The following KANSL1 variants were observed in gnomAD, a reference collection of about 807,000 sequenced individuals.
KANSL1 encodes MLL1/MLL complex subunit KANSL1.
KANSL1 carries 22 observed loss-of-function variants against 103.6 expected under a neutral mutation model. The observed-to-expected ratio is 0.21, with a 90% confidence interval of 0.15 to 0.30. KANSL1 has a LOEUF of 0.30. Among genes scored for constraint, KANSL1 ranks in the 10% least tolerant of loss-of-function variants. KANSL1 has a pLI of 1.00. For missense variants in KANSL1, 1,337 were observed against 1,399.8 expected, an observed-to-expected ratio of 0.96 and a Z score of 0.72; for synonymous variants, 600 against 527.6, an observed-to-expected ratio of 1.14 and a Z score of -1.88.
At chr17:46,130,187 C>CAAAAAAAAAAAA (rs35017603) in intron 2 of KANSL1, among the ~76,000 whole-genome samples, 7 of 75,466 alleles carry the variant, frequency 9.3e-5, no homozygotes, top group Non-Finnish European at 1.6e-4. Context: ...ATCCTGTCTC[C>CAAAAAAAAAAAA]AAAAAAAAAA....
intron 3 of KANSL1, among the ~76,000 whole-genome samples, chr17:46,090,558 G>A (rs922673273): frequency 2.6e-5 from 4 of 152,212 alleles, no homozygotes; most frequent in Non-Finnish European, 4.4e-5. Context: ...GAAATGTTAA[G>A]TGACTTTTCT....
chr17:46,105,906 G>GAGACACACACACACACACACACAC (rs778730504), intron 2 of KANSL1, among the ~76,000 whole-genome samples: 42 of 95,162 alleles, frequency 4.4e-4, no homozygotes, highest in African/African-American at 1.8e-3. Flanking sequence ...GCAAGGCCTT[G>GAGACACACACACACACACACACAC]ACACACACAC....
Position 46,082,444 on chromosome 17 carries a change from T to C in KANSL1, c.1530A>G (p.Lys510=), listed in dbSNP as rs772909788. The C allele has an allele frequency of 6.3e-7, 1 of 1,598,694 alleles. No individual in the cohort carries two copies. The highest frequency in any genetic ancestry group is 1.1e-5 in the South Asian group (1 of 90,600). ...CCTTTCTATCTTTTATACTTACCAA[T>C]TTATCAGTCCCATGATCTGTCTTCA... ...SEVKTDHGTD[K]LIESVSQPLE... is the part of the protein sequence containing the mutation. The change falls in exon 4 of 15, where the codon AAA becomes AAG. Residue 510 remains lysine, a synonymous_variant. Coordinates refer to ENST00000432791, the MANE Select transcript of KANSL1 (RefSeq NM_015443.4).
In KANSL1 at chr17:46,031,392, T is replaced by C. The variant is rs1266402208; in HGVS notation, c.*84A>G. On this transcript the variant is annotated 3_prime_UTR_variant, in exon 15 of 15. Coordinates refer to ENST00000432791, the MANE Select transcript of KANSL1 (RefSeq NM_015443.4). ...CTAAAAACTGTGAAAATTTCCGGCA[T>C]ATGATGTTTGAATATCAAACGCAGA... 4 of 1,268,190 alleles carry C rather than the reference T, an allele frequency of 3.2e-6. No individual in the cohort carries two copies. Among genetic ancestry groups the C allele is most frequent in the Non-Finnish European group, 4.3e-6 (4 of 922,368 alleles). The allele number at this position is 1,268,190 out of a possible 1,614,324, so 78.6% of individuals were successfully genotyped here.
At chr17:46,208,893 G>A (rs1451607398) in intron 1 of KANSL1, among the ~76,000 whole-genome samples, 1 of 151,696 alleles carries the variant, frequency 6.6e-6, no homozygotes. Flanking sequence ...GATGCAGCCC[G>A]GGCGCAGTGG....
chr17:46,149,976 C>A (rs941542812), intron 2 of KANSL1, among the ~76,000 whole-genome samples: 9 of 150,932 alleles, frequency 6.0e-5, no homozygotes, highest in African/African-American at 9.8e-5. Flanking sequence ...GAGCTGAGAT[C>A]GCACCACTGC....
intron 2 of KANSL1, among the ~76,000 whole-genome samples, chr17:46,142,463 A>T (rs1360528507): frequency 6.6e-6 from 1 of 151,954 alleles, no homozygotes; most frequent in Non-Finnish European, 1.5e-5. Context: ...AAGAAAAAAA[A>T]ATTTTTTAAT....
rs758110910 is a variant in KANSL1, at chr17:46,066,568, C to T, written c.1817G>A (p.Arg606Gln). 7 of 1,613,378 alleles carry T rather than the reference C, an allele frequency of 4.3e-6. No homozygotes were observed. Among genetic ancestry groups the T allele is most frequent in the African/African-American group, 4.0e-5 (3 of 74,900 alleles). Residue 606 changes from arginine (R) to glutamine (Q), a missense_variant, in exon 6 of 15, where the codon CGA becomes CAA. Arg to Gln is a conservative substitution (Grantham distance 43). Around this residue, in one of 2 missense-constraint regions of KANSL1, gnomAD observed 780 missense variants for 923.4 expected, o/e 0.84. Transcript: ENST00000432791. ...GGAAAGAGGAACGATGCTGTTGGGTCGAACAAGCCTCCGCTTCTTACAGCT... is the reference window on the plus strand; with the variant it reads ...GGAAAGAGGAACGATGCTGTTGGGTTGAACAAGCCTCCGCTTCTTACAGCT... The part of the protein sequence containing the change: ...VLSCKKRRLV[R>Q]PNSIVPLSKK...
At chr17:46,207,718 C>G (rs2048018452) in intron 1 of KANSL1, among the ~76,000 whole-genome samples, 1 of 152,238 alleles carries the variant, frequency 6.6e-6, no homozygotes, top group African/African-American at 2.4e-5. Flanking sequence ...GGGATCAGGC[C>G]TGTAATCCCA....
rs746180917 is a variant in KANSL1, at chr17:46,171,796, C to G, written c.348G>C (p.Gln116His). 2 of 1,613,604 alleles carry G rather than the reference C, an allele frequency of 1.2e-6. No homozygotes were observed. The highest frequency in any genetic ancestry group is 3.3e-5 in the Admixed American group (2 of 59,938). ...ACAGCTCAGCTCGGAGTTCATAGGA[C>G]TGAGATAAGAGAGGATGAGATTTAA... ...TVLKSHPLLS[Q>H]SYELRAELLG... The change falls in exon 2 of 15, where the codon CAG becomes CAC. Residue 116 changes from glutamine (Q) to histidine (H), a missense_variant. This residue lies in a region of KANSL1 where 557 missense variants were observed against 476.4 expected (regional missense o/e 1.17). Transcript: ENST00000432791.
chr17:46,152,360 A>T (rs994847516), intron 2 of KANSL1, among the ~76,000 whole-genome samples: 1 of 152,248 alleles, frequency 6.6e-6, no homozygotes, highest in African/African-American at 2.4e-5. Context: ...TTCACTTCTT[A>T]ATAACTTACT....
chr17:46,213,932 A>G (rs2048256089), intron 1 of KANSL1, among the ~76,000 whole-genome samples: 1 of 151,966 alleles, frequency 6.6e-6, no homozygotes, highest in Non-Finnish European at 1.5e-5. Flanking sequence ...AAAAAAAACT[A>G]ATATGCAAGA....
At chr17:46,082,308 CAAAAGTGATA>C (rs900307732) in intron 4 of KANSL1, 123 bp downstream of exon 4, 1 of 575,372 alleles carries the variant, frequency 1.7e-6, no homozygotes, top group East Asian at 3.0e-5. Flanking sequence ...CTTAAAACAC[CAAAAGTGATA>C]AAAGTAGATA....
intron 6 of KANSL1, among the ~76,000 whole-genome samples, chr17:46,059,060 AAG>A (rs991853628): frequency 1.6e-4 from 18 of 109,938 alleles, no homozygotes; most frequent in Middle Eastern, 5.5e-3. Context: ...AAAAAAAAAA[AAG>A]AAAGAAAGAA....
At chr17:46,059,918 G>A (rs996337605) in intron 6 of KANSL1, among the ~76,000 whole-genome samples, 2 of 152,028 alleles carry the variant, frequency 1.3e-5, no homozygotes, top group African/African-American at 2.4e-5. Flanking sequence ...TGGCGACAGA[G>A]CGAGACTCCA....
At chr17:46,161,249 C>CT (rs2045720702) in intron 2 of KANSL1, among the ~76,000 whole-genome samples, 1 of 79,530 alleles carries the variant, frequency 1.3e-5, no homozygotes. Context: ...CCCACCTCTA[C>CT]TAAAAAAAAA....
chr17:46,185,902 T>C (rs1206754759), intron 1 of KANSL1, among the ~76,000 whole-genome samples: 1 of 152,168 alleles, frequency 6.6e-6, no homozygotes, highest in African/African-American at 2.4e-5. Flanking sequence ...AAACTATTAA[T>C]GGTGTTAATC....
intron 1 of KANSL1, chr17:46,221,254 G>A (rs2048525479): frequency 6.6e-6 from 1 of 152,010 alleles, no homozygotes; most frequent in Non-Finnish European, 1.5e-5. Flanking sequence ...GCAGCCCTAA[G>A]AACTACCTGA....
In KANSL1 at chr17:46,030,509, G is replaced by C. The variant is rs1194546439; in HGVS notation, c.*967C>G. The C allele has an allele frequency of 6.6e-6, 1 of 151,852 alleles. No homozygotes were observed. The highest frequency in any genetic ancestry group is 1.5e-5 in the Non-Finnish European group (1 of 68,042). 9.4% of individuals were successfully genotyped at this position (151,852 alleles called of 1,614,324 possible). A position where few individuals can be genotyped will look rare whatever the true frequency, so the allele number is the denominator to read the frequency against. ...GGACCAGACAATGTTCCACAGGCAA[G>C]GGGAGCGTGAAAGACCAAGAGTGGA... On this transcript the variant is annotated 3_prime_UTR_variant, in exon 15 of 15. Coordinates refer to ENST00000432791, the MANE Select transcript of KANSL1 (RefSeq NM_015443.4).
Sources: gnomAD v4.1 joint callset for allele counts (sites outside exome capture counted in the v4.1 genomes callset) on GRCh38, gnomAD v4.1.1 for gene constraint, gnomAD v4.1.1 regional missense constraint, MANE v1.5 for transcripts, NCBI Gene and HGNC (gene_info 2026-07-23, HGNC 2026-07-21) for gene names.